MFSD12: variants seen among roughly 807,000 people sequenced by gnomAD.
MFSD12 encodes major facilitator superfamily domain containing 12, also known as major facilitator superfamily domain-containing protein 12.
In MFSD12, 67 loss-of-function variants were observed where a neutral mutation model predicts 51.2. The observed-to-expected ratio is 1.31, with a 90% CI of 1.08 to 1.60. The LOEUF is 1.60. Among genes scored for constraint, MFSD12 ranks in the 40% most tolerant of loss-of-function variants. MFSD12 has a pLI of 0.00. For synonymous variants in MFSD12, 441 were observed against 316.7 expected, an observed-to-expected ratio of 1.39 and a Z score of -4.17; for missense variants, 921 against 673.0, an observed-to-expected ratio of 1.37 and a Z score of -4.08.
At chr19:3,543,102 T>C (rs1228594591), downstream of MFSD12, 1 of 1,538,600 alleles carries the variant, frequency 6.5e-7, no homozygotes, top group Non-Finnish European at 8.7e-7. Context: ...AAGGACAGAC[T>C]CCAAGTGGCG....
Position 3,544,586 on chromosome 19 carries a change from TGAGGATG to T in MFSD12, c.*117_*123del. On this transcript the variant is annotated 3_prime_UTR_variant, in exon 10 of 10. Coordinates refer to ENST00000355415, the MANE Select transcript of MFSD12 (RefSeq NM_174983.5). ...CCCGACCCCACCCCCGGGAGCTGGG[TGAGGATG>T]GAGGGTGGGGGTCCAGAGAAGAGTG... is the stretch of plus-strand genomic sequence containing the variant. 4 of 1,465,600 alleles carry T rather than the reference TGAGGATG, an allele frequency of 2.7e-6. No individual in the cohort carries two copies. Among genetic ancestry groups the T allele is most frequent in the Non-Finnish European group, 3.6e-6 (4 of 1,111,954 alleles). 90.8% of individuals were successfully genotyped at this position (1,465,600 alleles called of 1,614,324 possible).
At position 3,548,040 on chromosome 19, in the gene MFSD12, C is replaced by T. The variant is rs375863132; in HGVS notation, c.655-10G>A. 3.8e-5 allele frequency: 61 copies of T among 1,599,954 alleles called. No individual in the cohort carries two copies. Among genetic ancestry groups the T allele is most frequent in the Non-Finnish European group, 4.8e-5 (57 of 1,179,384 alleles). ...CCAGCAGGGACAGGTTCTGGGGATG[C>T]AGCAGAAGCAGTCAGTGGTGGCGGG... On this transcript the variant is annotated splice_polypyrimidine_tract_variant and intron_variant, in intron 3 of 9. Transcript: ENST00000355415.
downstream of MFSD12, chr19:3,542,157 A>G (rs2030471348): frequency 4.1e-6 from 4 of 985,282 alleles, no homozygotes; most frequent in South Asian, 1.9e-4. Context: ...TGTGTCTTGC[A>G]ATTCATTTCA....
intron 8 of MFSD12, 32 bp from the exon 9 acceptor site, chr19:3,544,971 C>A (rs374130282): frequency 4.4e-6 from 7 of 1,580,222 alleles, no homozygotes; most frequent in Non-Finnish European, 4.3e-6. Flanking sequence ...GAGTAGGCAC[C>A]GCGGGTACCA....
chr19:3,555,955 G>C (rs532939965), intron 1 of MFSD12, among the ~76,000 whole-genome samples: 7 of 152,220 alleles, frequency 4.6e-5, no homozygotes, highest in Non-Finnish European at 1.0e-4. Flanking sequence ...GGGCACTGGG[G>C]CAGGGTGACC....
chr19:3,548,053 CAG>C (rs771806260), intron 3 of MFSD12, 23 bp from the exon 4 acceptor site: 1 of 1,600,068 alleles, frequency 6.2e-7, no homozygotes, highest in South Asian at 1.1e-5. Flanking sequence ...CAGAAGCAGT[CAG>C]TGGTGGCGGG....
chr19:3,555,646 T>G (rs1397516415), intron 1 of MFSD12, among the ~76,000 whole-genome samples: 1 of 152,104 alleles, frequency 6.6e-6, no homozygotes, highest in African/African-American at 2.4e-5. Context: ...CCACTGGAGA[T>G]CCACTGCCTC....
At chr19:3,538,868 G>T (rs1436791737) in intron 4 of MFSD12, 2 of 602,290 alleles carry the variant, frequency 3.3e-6, no homozygotes, top group South Asian at 3.0e-5. Context: ...GAAGGGGCAG[G>T]GGGAGACAGA....
chr19:3,539,307 C>A (rs1015886295), downstream of MFSD12: 18 of 1,217,660 alleles, frequency 1.5e-5, no homozygotes, highest in Non-Finnish European at 2.1e-5. Flanking sequence ...CTCCCTCCCT[C>A]CCTCCCTGGG....
Position 3,547,850 on chromosome 19 carries a change from G to A in MFSD12, c.835C>T (p.Gln279Ter). The A allele has an allele frequency of 8.0e-6, 12 of 1,501,324 alleles. No individual in the cohort carries two copies. Among genetic ancestry groups the A allele is most frequent in the Non-Finnish European group, 1.1e-5 (12 of 1,129,210 alleles). 93.0% of individuals were successfully genotyped at this position (1,501,324 alleles called of 1,614,324 possible). A position where few individuals can be genotyped will look rare whatever the true frequency, so the allele number is the denominator to read the frequency against. Residue 279 changes from glutamine to a stop codon, truncating the protein, a stop_gained and splice_region_variant, in exon 4 of 10, where the codon CAG (glutamine) becomes TAG (stop). Transcript: ENST00000355415. LOFTEE classifies it high-confidence loss of function. Reference sequence around the variant, plus strand: ...GCCCCACCGTCCCCAGCACGCACCTGGTAGAAAGCCGGCTCCCGGAGCCAG... The same window carrying A: ...GCCCCACCGTCCCCAGCACGCACCTAGTAGAAAGCCGGCTCCCGGAGCCAG... ...KHWLREPAFY[Q>*]VGILYMTTRL...
chr19:3,545,495 C>G (rs1195287787), intron 8 of MFSD12, among the ~76,000 whole-genome samples: 2 of 152,260 alleles, frequency 1.3e-5, no homozygotes, highest in African/African-American at 4.8e-5. Flanking sequence ...CACTACTTGT[C>G]CCTCCCCATT....
intron 1 of MFSD12, among the ~76,000 whole-genome samples, chr19:3,555,637 C>G (rs539542396): frequency 1.3e-4 from 20 of 152,270 alleles, no homozygotes; most frequent in South Asian, 6.2e-4. Context: ...ACCCTCAGAC[C>G]ACTGGAGATC....
intron 4 of MFSD12, 26 bp from the exon 5 acceptor site, chr19:3,547,573 G>A: frequency 6.3e-7 from 1 of 1,587,946 alleles, no homozygotes; most frequent in Non-Finnish European, 8.6e-7. Flanking sequence ...CAGAGGGACT[G>A]GCAGGGGTCA....
chr19:3,550,488 T>A (rs972399624), intron 2 of MFSD12, among the ~76,000 whole-genome samples: 37 of 150,548 alleles, frequency 2.5e-4, no homozygotes, highest in African/African-American at 8.8e-4. Context: ...ACCTCCCGGG[T>A]TCACACCATT....
Position 3,544,736 on chromosome 19 carries a change from C to A in MFSD12, c.1421-4G>T. Reference sequence around the variant, plus strand: ...CAGGGCCGGGCATCACGGTCCCCTGCAAGGGAGGGGTGGAAATGGCATTAG... The same window carrying A: ...CAGGGCCGGGCATCACGGTCCCCTGAAAGGGAGGGGTGGAAATGGCATTAG... On this transcript the variant is annotated splice_region_variant and splice_polypyrimidine_tract_variant and intron_variant, in intron 9 of 9. Coordinates refer to ENST00000355415, the MANE Select transcript of MFSD12 (RefSeq NM_174983.5). 6.3e-7 allele frequency: 1 copy of A among 1,597,036 alleles called. No individual in the cohort carries two copies. Among genetic ancestry groups the A allele is most frequent in the Non-Finnish European group, 8.5e-7 (1 of 1,171,682 alleles).
At chr19:3,549,615 C>A (rs940160293) in intron 2 of MFSD12, among the ~76,000 whole-genome samples, 1 of 149,278 alleles carries the variant, frequency 6.7e-6, no homozygotes, top group African/African-American at 2.5e-5. Flanking sequence ...CCCAGCTACT[C>A]GGGAGGCTGA....
intron 2 of MFSD12, 76 bp from the exon 3 acceptor site, chr19:3,548,343 C>T: frequency 6.6e-7 from 1 of 1,522,466 alleles, no homozygotes; most frequent in South Asian, 1.2e-5. Flanking sequence ...GCTACGCCGT[C>T]AGAGAGGCCT....
downstream of MFSD12, chr19:3,543,302 T>C (rs1352308753): frequency 6.5e-7 from 1 of 1,549,016 alleles, no homozygotes; most frequent in Non-Finnish European, 8.7e-7. Context: ...ACGCTGGAAG[T>C]ACACGCCCAT....
rs763148393 is a variant in MFSD12 at position 3,546,269 on chromosome 19, T to G, written c.1180A>C (p.Ile394Leu). ...VTSLAMTADL[I>L]GPHTNSGAFV... The stretch of plus-strand genomic sequence containing the variant: ...ACCAGCCCTACCGTGTGGGGACCGA[T>G]GAGGTCGGCCGTCATGGCCAGCGAG... Residue 394 changes from isoleucine to leucine, a missense_variant, in exon 7 of 10, where the codon ATC becomes CTC. Ile to Leu is a conservative substitution (Grantham distance 5). Coordinates refer to ENST00000355415, the MANE Select transcript of MFSD12 (RefSeq NM_174983.5). 4.3e-6 allele frequency: 7 copies of G among 1,610,678 alleles called. No homozygotes were observed. Among genetic ancestry groups the G allele is most frequent in the Non-Finnish European group, 5.9e-6 (7 of 1,179,124 alleles).
Sources: gnomAD v4.1 joint callset for allele counts (sites outside exome capture counted in the v4.1 genomes callset) on GRCh38, gnomAD v4.1.1 for gene constraint, MANE v1.5 for transcripts, NCBI Gene and HGNC (gene_info 2026-07-23, HGNC 2026-07-21) for gene names.